SGK2: variants seen among roughly 807,000 people sequenced by gnomAD.
SGK2 encodes the protein serum/glucocorticoid regulated kinase 2.
Under a neutral mutation model 47.5 loss-of-function variants are expected in SGK2, and 36 were observed. The observed-to-expected ratio is 0.76, with a 90% CI of 0.58 to 1.00. The LOEUF (loss-of-function observed/expected upper bound fraction) is 1.00. Ranked by LOEUF, SGK2 falls within the 50% of genes least tolerant of loss-of-function variation. The pLI, the probability that SGK2 is intolerant of heterozygous loss-of-function variation, is 0.00. For synonymous variants in SGK2, 157 were observed against 181.9 expected (o/e 0.86, Z 1.10); for missense variants, 404 against 467.4 (o/e 0.86, Z 1.25).
Position 43,570,736 on chromosome 20 carries a change from C to T in SGK2, c.473+7C>T, listed in dbSNP as rs1426453841. The T allele has an allele frequency of 4.4e-6, 7 of 1,595,612 alleles. No individual in the cohort carries two copies. The highest frequency in any genetic ancestry group is 6.0e-6 in the Non-Finnish European group (7 of 1,164,074). On this transcript the variant is annotated splice_region_variant and intron_variant, in intron 7 of 12. Coordinates refer to ENST00000373100, the MANE Select transcript of SGK2 (RefSeq NM_170693.3). ...CCCTCAACATCATTTACAGGTGAGG[C>T]CTGCCTGTGGCTCAGAGCCAGGACC...
In SGK2 at chr20:43,576,229, C is replaced by T; in HGVS notation, c.699C>T (p.Pro233=). 6.2e-7 allele frequency: 1 copy of T among 1,614,014 alleles called. No homozygotes were observed. Among genetic ancestry groups the T allele is most frequent in the Non-Finnish European group, 8.5e-7 (1 of 1,179,896 alleles). The change falls in exon 11 of 13, where the codon CCC becomes CCT. Residue 233 remains proline (P), a synonymous_variant. Transcript: ENST00000373100. ...VLYEMLHGLP[P]FYSQDVSQMY... ...TGTTCTCCCTCTCTCCCCAGCCGCC[C>T]TTCTACAGCCAAGATGTATCCCAGA...
rs1463351457 is a variant in SGK2 at position 43,566,660 on chromosome 20, G to T, written c.36+129G>T. 1.7e-5 allele frequency: 11 copies of T among 643,772 alleles called. No individual in the cohort carries two copies. In the East Asian group the frequency reaches 2.4e-4, roughly 14 times the overall value. The allele number at this position is 643,772 out of a possible 1,614,324, so 39.9% of individuals were successfully genotyped here. On this transcript the variant is annotated intron_variant, in intron 2 of 12. Transcript: ENST00000373100. ...GCGAGCACATAGAAATGAGCCACTT[G>T]CAGGGTGAATAGAGTAGAGATTTGA...
Position 43,574,918 on chromosome 20 carries a change from C to T in SGK2, c.607C>T (p.Pro203Ser), listed in dbSNP as rs1200631547. 2 of 1,613,292 alleles carry T rather than the reference C, an allele frequency of 1.2e-6. No homozygotes were observed. The highest frequency in any genetic ancestry group is 1.1e-5 in the South Asian group (1 of 91,064). Reference protein sequence around the residue: ...TFCGTPEYLAPEVLRKEPYDR... With the variant: ...TFCGTPEYLASEVLRKEPYDR... ...TGTTTCCTTCTAACAGTACTTGGCA[C>T]CTGAAGTGCTTCGGAAAGAGCCTTA... The change falls in exon 10 of 13, where the codon CCT becomes TCT. Residue 203 changes from proline to serine, a missense_variant. Pro to Ser is a moderately conservative substitution (Grantham distance 74). Coordinates refer to ENST00000373100, the MANE Select transcript of SGK2 (RefSeq NM_170693.3).
At chr20:43,565,416 T>G (rs1979642921) in intron 1 of SGK2, 1 of 152,418 alleles carries the variant, frequency 6.6e-6, no homozygotes. Context: ...CAGGCTGCGC[T>G]TCCTTAGCAG....
rs768800348 is a variant in SGK2, at chr20:43,584,962, T to C, written c.1050T>C (p.Ser350=). ...DTVASSSGAS[S]AFLGFSYAPE... is the part of the protein sequence containing the mutation. Reference sequence around the variant, plus strand: ...TGGCCAGCAGCTCTGGGGCCTCAAGTGCATTCCTGGGATTTTCTTATGCGC... The same window carrying C: ...TGGCCAGCAGCTCTGGGGCCTCAAGCGCATTCCTGGGATTTTCTTATGCGC... Residue 350 remains serine (S), a synonymous_variant, in exon 13 of 13, where the codon AGT becomes AGC. Transcript: ENST00000373100. 3 of 1,614,156 alleles carry C rather than the reference T, an allele frequency of 1.9e-6. No homozygotes were observed. The highest frequency in any genetic ancestry group is 2.5e-6 in the Non-Finnish European group (3 of 1,180,012).
chr20:43,560,013 G>C (rs1422629874), intron 1 of SGK2, among the ~76,000 whole-genome samples: 1 of 152,096 alleles, frequency 6.6e-6, no homozygotes, highest in Admixed American at 6.6e-5. Context: ...CAGAAAATTA[G>C]AACACCGTGG....
chr20:43,559,578 A>G lies in SGK2; in HGVS notation c.-24+419A>G, dbSNP rs115909300. Among the ~76,000 whole-genome samples, 874 of 152,278 alleles carry G rather than the reference A, an allele frequency of 5.7e-3. 11 individuals are homozygous for G. Among genetic ancestry groups the G allele is most frequent in the Middle Eastern group, 0.024 (7 of 294 alleles). On this transcript the variant is annotated intron_variant, in intron 1 of 12. Transcript: ENST00000373100. ...TCCTCCTTGAAACAGGGACGATGATAGTTCCTAACCCGTGGGGTTGTGGGA... is the reference window on the plus strand; with the variant it reads ...TCCTCCTTGAAACAGGGACGATGATGGTTCCTAACCCGTGGGGTTGTGGGA...
chr20:43,564,481 G>A (rs567978773), intron 1 of SGK2, among the ~76,000 whole-genome samples: 33 of 151,898 alleles, frequency 2.2e-4, no homozygotes, highest in African/African-American at 6.5e-4. Context: ...GCACGCATGC[G>A]TGCATGCACG....
chr20:43,567,798 T>C (rs892324401), intron 4 of SGK2, 76 bp downstream of exon 4: 21 of 1,566,902 alleles, frequency 1.3e-5, no homozygotes, highest in East Asian at 2.2e-5. Flanking sequence ...GCCACTTGTA[T>C]GTATGAAGAG....
At chr20:43,561,257 G>A (rs1421737562) in intron 1 of SGK2, among the ~76,000 whole-genome samples, 1 of 152,186 alleles carries the variant, frequency 6.6e-6, no homozygotes, top group Non-Finnish European at 1.5e-5. Context: ...CACTTAGTGT[G>A]TCTGAGGGAC....
chr20:43,562,630 A>T (rs571028519), intron 1 of SGK2, among the ~76,000 whole-genome samples: 6 of 151,620 alleles, frequency 4.0e-5, no homozygotes, highest in Non-Finnish European at 8.8e-5. Flanking sequence ...AATCCCAGCT[A>T]CTCGGGAGGC....
chr20:43,575,460 G>C (rs1002848567), intron 10 of SGK2, among the ~76,000 whole-genome samples: 10 of 51,568 alleles, frequency 1.9e-4, no homozygotes, highest in African/African-American at 8.5e-4. Flanking sequence ...GGGAGACTCT[G>C]TCTCAAAAAA....
rs750961958 is a variant in SGK2 at position 43,584,854 on chromosome 20, A to G, written c.942A>G (p.Thr314=). The change falls in exon 13 of 13, where the codon ACA becomes ACG. Residue 314 remains threonine (T), a splice_region_variant and synonymous_variant. Coordinates refer to ENST00000373100, the MANE Select transcript of SGK2 (RefSeq NM_170693.3). ...RLTPPFNPNV[T]GPADLKHFDP... Reference sequence around the variant, plus strand: ...TCATCATTGGCTTTTATTGACAGACAGGACCTGCTGACTTGAAGCATTTTG... The same window carrying G: ...TCATCATTGGCTTTTATTGACAGACGGGACCTGCTGACTTGAAGCATTTTG... 7.4e-6 allele frequency: 12 copies of G among 1,613,590 alleles called. No homozygotes were observed. In the South Asian group the frequency reaches 1.2e-4, roughly 16 times the overall value.
chr20:43,584,892 C>T lies in SGK2; in HGVS notation c.980C>T (p.Thr327Ile), dbSNP rs755794346. ...TTGAAGCATTTTGACCCAGAGTTCA[C>T]CCAGGAAGCTGTGTCCAAGTCCATT... The part of the protein sequence containing the change: ...ADLKHFDPEF[T>I]QEAVSKSIGC... Residue 327 changes from threonine to isoleucine, a missense_variant, in exon 13 of 13, where the codon ACC (threonine) becomes ATC (isoleucine). Physicochemically the swap from Thr to Ile is moderately conservative, Grantham distance 89 (BLOSUM62 -1). Coordinates refer to ENST00000373100, the MANE Select transcript of SGK2 (RefSeq NM_170693.3). 2.5e-6 allele frequency: 4 copies of T among 1,614,088 alleles called. No homozygotes were observed. The South Asian group carries it at 4.4e-5, about 18-fold the overall frequency.
chr20:43,559,284 G>A (rs1168977483), intron 1 of SGK2, 125 bp downstream of exon 1: 1 of 152,136 alleles, frequency 6.6e-6, no homozygotes, highest in South Asian at 2.1e-4. Context: ...CTTCCTTGGC[G>A]ACTTCTTTCC....
At chr20:43,574,308 C>A (rs1980337558) in intron 9 of SGK2, among the ~76,000 whole-genome samples, 1 of 152,210 alleles carries the variant, frequency 6.6e-6, no homozygotes, top group Non-Finnish European at 1.5e-5. Flanking sequence ...ACATGGTGTA[C>A]ATTTATTTAT....
chr20:43,564,650 TAC>T (rs142324173), intron 1 of SGK2: 6,423 of 152,306 alleles, frequency 0.042, 179 homozygotes, highest in Middle Eastern at 0.054. Flanking sequence ...CTCACCCACA[TAC>T]ACACACACTG....
In SGK2 at chr20:43,585,073, C is replaced by T; in HGVS notation, c.*57C>T. 6.6e-7 allele frequency: 1 copy of T among 1,518,056 alleles called. No homozygotes were observed. The highest frequency in any genetic ancestry group is 9.0e-7 in the Non-Finnish European group (1 of 1,112,732). 94.0% of individuals were successfully genotyped at this position (1,518,056 alleles called of 1,614,324 possible). A position where few individuals can be genotyped will look rare whatever the true frequency, so the allele number is the denominator to read the frequency against. On this transcript the variant is annotated 3_prime_UTR_variant, in exon 13 of 13. Coordinates refer to ENST00000373100, the MANE Select transcript of SGK2 (RefSeq NM_170693.3). ...GCTGGTATTAGTAAGGAATTACCTT[C>T]AGCTGCTAGGAAGAGCGACTCAAAC...
In SGK2 at chr20:43,574,142, G is replaced by C. The variant is rs562762622; in HGVS notation, c.598-767G>C. On this transcript the variant is annotated intron_variant, in intron 9 of 12. Coordinates refer to ENST00000373100, the MANE Select transcript of SGK2 (RefSeq NM_170693.3). ...TACCAACCACGGCTCAGGTCTGTGTGACTCTGCCCTTCCCTAGACCCCACA... is the reference window on the plus strand; with the variant it reads ...TACCAACCACGGCTCAGGTCTGTGTCACTCTGCCCTTCCCTAGACCCCACA... Among the ~76,000 whole-genome samples the C allele has an allele frequency of 1.9e-4, 29 of 152,312 alleles. No individual in the cohort carries two copies. The South Asian group carries it at 4.4e-3, about 23-fold the overall frequency.
Sources: gnomAD v4.1 joint callset for allele counts (sites outside exome capture counted in the v4.1 genomes callset) on GRCh38, gnomAD v4.1.1 for gene constraint, MANE v1.5 for transcripts, NCBI Gene and HGNC (gene_info 2026-07-23, HGNC 2026-07-21) for gene names.